The following FGFR1 variants were observed in gnomAD, a reference collection of about 807,000 sequenced individuals.
The protein encoded by FGFR1 is FGFR1/PLAG1 fusion.
A neutral mutation model predicts 93.7 loss-of-function variants in FGFR1; 18 were observed. The observed-to-expected ratio is 0.19, with a 90% confidence interval of 0.13 to 0.28. The LOEUF (loss-of-function observed/expected upper bound fraction) is 0.28. Among genes scored for constraint, FGFR1 ranks in the 10% least tolerant of loss-of-function variants. FGFR1 has a pLI of 1.00. For synonymous variants in FGFR1, 448 were observed against 429.3 expected (o/e 1.04, Z -0.54); for missense variants, 731 against 1,080.4 (o/e 0.68, Z 4.53).
At chr8:38,427,456 T>G (rs1821199677) in intron 5 of FGFR1, among the ~76,000 whole-genome samples, 1 of 152,170 alleles carries the variant, frequency 6.6e-6, no homozygotes, top group African/African-American at 2.4e-5. Context: ...TTTTTTGTAT[T>G]TTTAGTACAG....
In FGFR1 at chr8:38,414,911, GA is replaced by G. The variant is rs1267259353; in HGVS notation, c.1855-11del. The G allele has an allele frequency of 1.2e-6, 2 of 1,610,172 alleles. No individual in the cohort carries two copies. Among genetic ancestry groups the G allele is most frequent in the African/African-American group, 2.7e-5 (2 of 74,878 alleles). ...GGTCTCGGTGTATGCACTGAGGAAG[GA>G]GGAAGGGAGAGCGGGAGGCGGGGAG... On this transcript the variant is annotated splice_polypyrimidine_tract_variant and intron_variant, in intron 13 of 17. Transcript: ENST00000447712.
chr8:38,457,997 T>C (rs1833348906), intron 1 of FGFR1, among the ~76,000 whole-genome samples: 1 of 151,962 alleles, frequency 6.6e-6, no homozygotes, highest in Non-Finnish European at 1.5e-5. Flanking sequence ...AGAGAGGTTA[T>C]AGGTCTTAAT....
Position 38,424,099 on chromosome 8 carries a change from A to C in FGFR1, c.936+410T>G, listed in dbSNP as rs1819823900. The stretch of plus-strand genomic sequence containing the variant: ...CCAACTCTTCGTAAGAGATGCTCTT[A>C]TCATGCACCCCATTTGCCAGAAAGA... On this transcript the variant is annotated intron_variant, in intron 7 of 17. Coordinates refer to ENST00000447712, the MANE Select transcript of FGFR1 (RefSeq NM_023110.3). The surrounding 1 kb of genome is among the most constrained non-coding windows in gnomAD (Gnocchi z 4.3). 1 of 337,044 alleles carries C rather than the reference A, an allele frequency of 3.0e-6. No individual in the cohort carries two copies. Among genetic ancestry groups the C allele is most frequent in the Admixed American group, 4.0e-5 (1 of 24,852 alleles). The allele number at this position is 337,044 out of a possible 1,614,324, so 20.9% of individuals were successfully genotyped here.
chr8:38,458,721 C>T (rs1355615657), intron 1 of FGFR1: 6 of 220,136 alleles, frequency 2.7e-5, no homozygotes, highest in Non-Finnish European at 3.6e-5. Flanking sequence ...CCGACCTATG[C>T]AATGAAGCAG....
In FGFR1 at chr8:38,417,358, C is replaced by G; in HGVS notation, c.1611G>C (p.Met537Ile). ...DLISEMEMMK[M>I]IGKHKNIINL... ...TGATGATATTCTTATGCTTCCCGAT[C>G]ATCTTCATCATCTCCATTTCTGAGA... is the stretch of plus-strand genomic sequence containing the variant. Residue 537 changes from methionine (M) to isoleucine (I), a missense_variant, in exon 12 of 18, where the codon ATG becomes ATC. Around this residue, in one of 10 missense-constraint regions of FGFR1, gnomAD observed 62 missense variants for 99.5 expected, o/e 0.62. Coordinates refer to ENST00000447712, the MANE Select transcript of FGFR1 (RefSeq NM_023110.3). The G allele has an allele frequency of 6.2e-7, 1 of 1,614,094 alleles. No homozygotes were observed. Among genetic ancestry groups the G allele is most frequent in the East Asian group, 2.2e-5 (1 of 44,870 alleles).
rs750269596 is a variant in FGFR1, at chr8:38,417,327, G to A, written c.1642C>T (p.Leu548=). ...IGKHKNIINL[L]GACTQDGPLY... is the part of the protein sequence containing the mutation. ...CCACCATCCTGCGTGCAGGCCCCCA[G>A]CAGGTTGATGATATTCTTATGCTTC... Residue 548 remains leucine, a synonymous_variant, in exon 12 of 18, where the codon CTG becomes TTG. Coordinates refer to ENST00000447712, the MANE Select transcript of FGFR1 (RefSeq NM_023110.3). 6.2e-7 allele frequency: 1 copy of A among 1,613,578 alleles called. No individual in the cohort carries two copies.
rs17175772 is a variant in FGFR1 at position 38,437,488 on chromosome 8, C to T, written c.92-7540G>A. ...CAGGCAGGTCTAGCACAGGCTCTGACGTCATGAAACATAAAGAAAAGTATC... is the reference window on the plus strand; with the variant it reads ...CAGGCAGGTCTAGCACAGGCTCTGATGTCATGAAACATAAAGAAAAGTATC... On this transcript the variant is annotated intron_variant, in intron 2 of 17. Coordinates refer to ENST00000447712, the MANE Select transcript of FGFR1 (RefSeq NM_023110.3). Among the ~76,000 whole-genome samples, 419 of 152,152 alleles carry T rather than the reference C, an allele frequency of 2.8e-3. 1 individual carries two copies. Among genetic ancestry groups the T allele is most frequent in the Non-Finnish European group, 4.3e-3 (290 of 68,016 alleles).
chr8:38,417,523 T>C, intron 11 of FGFR1, 107 bp from the exon 12 acceptor site: 2 of 949,026 alleles, frequency 2.1e-6, no homozygotes, highest in Non-Finnish European at 3.3e-6. Flanking sequence ...TGGGACTTGA[T>C]TCTCTCCTCC....
intron 2 of FGFR1, among the ~76,000 whole-genome samples, chr8:38,450,980 C>T (rs541630251): frequency 1.5e-4 from 23 of 152,318 alleles, no homozygotes; most frequent in African/African-American, 5.5e-4. Flanking sequence ...CACTTGCAAA[C>T]ACCCCTTCCA....
intron 9 of FGFR1, among the ~76,000 whole-genome samples, chr8:38,418,933 C>G (rs573269843): frequency 6.6e-6 from 1 of 152,172 alleles, no homozygotes; most frequent in Non-Finnish European, 1.5e-5. Context: ...GTCATTGACT[C>G]ATGGGGGCAG....
intron 13 of FGFR1, among the ~76,000 whole-genome samples, chr8:38,415,538 G>C (rs953964731): frequency 6.6e-6 from 1 of 151,380 alleles, no homozygotes; most frequent in Non-Finnish European, 1.5e-5. Context: ...CTGAGCTCAA[G>C]CAATCCTCCC....
chr8:38,424,468 T>C lies in FGFR1; in HGVS notation c.936+41A>G, dbSNP rs767996361. ...TTGAGCCCCCGAGACAGTGGTCTCC[T>C]TCCCAGTAGACTGGCCCACGAAGAC... On this transcript the variant is annotated intron_variant, in intron 7 of 17. Coordinates refer to ENST00000447712, the MANE Select transcript of FGFR1 (RefSeq NM_023110.3). This position sits in a 1 kb window ranked among gnomAD's most constrained non-coding sequence, Gnocchi z 4.3. The C allele has an allele frequency of 6.2e-7, 1 of 1,612,502 alleles. No homozygotes were observed. The highest frequency in any genetic ancestry group is 2.2e-5 in the East Asian group (1 of 44,844).
At chr8:38,466,600 T>C (rs1040872837) in intron 1 of FGFR1, 6 of 229,622 alleles carry the variant, frequency 2.6e-5, no homozygotes, top group African/African-American at 1.1e-4. Flanking sequence ...GGGAACTTTC[T>C]TTTCTCCCCC....
At chr8:38,452,202 C>CACACAG (rs1218773750) in intron 2 of FGFR1, among the ~76,000 whole-genome samples, 34 of 1,816 alleles carry the variant, frequency 0.019, no homozygotes, top group African/African-American at 0.029. Context: ...GACACACAGA[C>CACACAG]ACACACACAC....
At chr8:38,460,680 AG>A (rs1176509903) in intron 1 of FGFR1, among the ~76,000 whole-genome samples, 1 of 152,152 alleles carries the variant, frequency 6.6e-6, no homozygotes, top group Non-Finnish European at 1.5e-5. Flanking sequence ...CTGTAAAACA[AG>A]GATGTTAAGA....
At chr8:38,439,406 G>C (rs564581826) in intron 2 of FGFR1, among the ~76,000 whole-genome samples, 2 of 152,252 alleles carry the variant, frequency 1.3e-5, no homozygotes, top group African/African-American at 4.8e-5. Flanking sequence ...GCCCCTCACC[G>C]TTGATTACAG....
intron 2 of FGFR1, among the ~76,000 whole-genome samples, chr8:38,452,590 C>T (rs1831432793): frequency 6.6e-6 from 1 of 152,122 alleles, no homozygotes. Flanking sequence ...CTGGAACTCC[C>T]GGGCTCGTGC....
rs187423650 is a variant in FGFR1, at chr8:38,424,366, C to T, written c.936+143G>A. On this transcript the variant is annotated intron_variant, in intron 7 of 17. Coordinates refer to ENST00000447712, the MANE Select transcript of FGFR1 (RefSeq NM_023110.3). The surrounding 1 kb of genome is among the most constrained non-coding windows in gnomAD (Gnocchi z 4.3). ...AGTCCTGGGGGATGTGGCTAGATCC[C>T]TACTGAGATGGAGTGTGTGTGCCTG... 24 of 884,416 alleles carry T rather than the reference C, an allele frequency of 2.7e-5. 1 individual carries two copies. In the East Asian group the frequency reaches 6.2e-4, roughly 23 times the overall value. 54.8% of individuals were successfully genotyped at this position (884,416 alleles called of 1,614,324 possible).
At chr8:38,422,971 G>A (rs1819363592) in intron 7 of FGFR1, 1 of 771,640 alleles carries the variant, frequency 1.3e-6, no homozygotes, top group East Asian at 2.4e-5. Context: ...TGCCCCAGCA[G>A]CTTGGGGCCT....
Sources: allele counts gnomAD v4.1 joint callset (sites outside exome capture counted in the v4.1 genomes callset), GRCh38; gene constraint gnomAD v4.1.1; regional missense constraint gnomAD v4.1.1; non-coding constraint Gnocchi (gnomAD v3.1); transcripts MANE v1.5; gene names NCBI Gene and HGNC (gene_info 2026-07-23, HGNC 2026-07-21).